ZSCAN5A: variants seen among roughly 807,000 people sequenced by gnomAD.
ZSCAN5A encodes zinc finger and SCAN domain containing 5A.
A neutral mutation model predicts 23.7 loss-of-function variants in ZSCAN5A; 12 were observed. The ratio of observed to expected loss-of-function variants is 0.51; its 90% confidence interval spans 0.32 to 0.82. The LOEUF (loss-of-function observed/expected upper bound fraction) is 0.82, where lower values mean the gene tolerates loss of function less well. ZSCAN5A is among the 40% of genes least tolerant of loss of function. The pLI, the probability that ZSCAN5A is intolerant of heterozygous loss-of-function variation, is 0.03. For missense variants in ZSCAN5A, 597 were observed against 617.9 expected (o/e 0.97, Z 0.36); for synonymous variants, 257 against 239.9 (o/e 1.07, Z -0.66).
intron 2 of ZSCAN5A, chr19:56,263,698 C>T (rs550312985): frequency 1.3e-5 from 2 of 152,104 alleles, no homozygotes; most frequent in African/African-American, 2.4e-5. Context: ...AGAAGGGAGG[C>T]GAGAGAGGAG....
intron 2 of ZSCAN5A, among the ~76,000 whole-genome samples, chr19:56,229,343 T>C (rs887209471): frequency 3.3e-5 from 5 of 152,014 alleles, no homozygotes; most frequent in Non-Finnish European, 1.5e-5. Context: ...GGAGTAGAAC[T>C]TTCCTGATGT....
intron 2 of ZSCAN5A, among the ~76,000 whole-genome samples, chr19:56,287,495 C>G (rs914020869): frequency 1.3e-5 from 2 of 152,194 alleles, no homozygotes; most frequent in African/African-American, 2.4e-5. Flanking sequence ...TCCCATCCCC[C>G]CAAGTCCACC....
At chr19:56,321,362 G>T in intron 2 of ZSCAN5A, 1 of 642,260 alleles carries the variant, frequency 1.6e-6, no homozygotes, top group East Asian at 2.8e-5. Flanking sequence ...ATCACAATGT[G>T]GACACCAGCA....
chr19:56,285,721 C>T (rs1349941093), intron 2 of ZSCAN5A, among the ~76,000 whole-genome samples: 5 of 152,102 alleles, frequency 3.3e-5, no homozygotes, highest in South Asian at 2.1e-4. Context: ...CCTCGTGATC[C>T]GCCCGCCTTG....
At chr19:56,355,030 G>A (rs1340104078) in intron 2 of ZSCAN5A, among the ~76,000 whole-genome samples, 1 of 152,190 alleles carries the variant, frequency 6.6e-6, no homozygotes, top group African/African-American at 2.4e-5. Context: ...CATCTTAGCT[G>A]TAAACCAGCA....
intron 2 of ZSCAN5A, among the ~76,000 whole-genome samples, chr19:56,249,288 G>A (rs2036177156): frequency 6.6e-6 from 1 of 152,126 alleles, no homozygotes; most frequent in Admixed American, 6.6e-5. Flanking sequence ...TTTTATTTTA[G>A]ACCAAGTCTC....
intron 2 of ZSCAN5A, among the ~76,000 whole-genome samples, chr19:56,305,439 C>T (rs570294178): frequency 7.2e-5 from 11 of 152,340 alleles, no homozygotes; most frequent in Non-Finnish European, 7.3e-5. Flanking sequence ...TGCTGGATAA[C>T]ACTCCACGGC....
intron 2 of ZSCAN5A, among the ~76,000 whole-genome samples, chr19:56,237,982 CACATACACACAT>C (rs2035085759): frequency 1.2e-5 from 1 of 84,174 alleles, no homozygotes; most frequent in Non-Finnish European, 2.5e-5. Flanking sequence ...CGGACACACA[CACATACACACAT>C]ACGCACACAT....
intron 2 of ZSCAN5A, among the ~76,000 whole-genome samples, chr19:56,240,262 AAAT>A (rs144080419): frequency 0.038 from 5,769 of 152,262 alleles, 343 homozygotes; most frequent in East Asian, 0.26. Context: ...GCAATATGAC[AAAT>A]AATTCAGTAG....
upstream of ZSCAN5A, chr19:56,319,726 G>A (rs138177389): frequency 3.0e-5 from 20 of 661,640 alleles, no homozygotes; most frequent in East Asian, 4.6e-4. Flanking sequence ...GCACAAACAA[G>A]ACCTGTTTAA....
chr19:56,277,658 G>A (rs1331738036), intron 2 of ZSCAN5A, among the ~76,000 whole-genome samples: 1 of 151,968 alleles, frequency 6.6e-6, no homozygotes. Context: ...CACTGAAATG[G>A]GTGAATTGCA....
intron 2 of ZSCAN5A, among the ~76,000 whole-genome samples, chr19:56,333,866 T>C (rs1287314977): frequency 1.3e-5 from 2 of 151,422 alleles, no homozygotes; most frequent in Non-Finnish European, 2.9e-5. Flanking sequence ...AATATATATA[T>C]ATATATAAGA....
intron 2 of ZSCAN5A, among the ~76,000 whole-genome samples, chr19:56,350,730 C>T (rs1328721755): frequency 1.3e-5 from 2 of 152,082 alleles, no homozygotes; most frequent in African/African-American, 4.8e-5. Flanking sequence ...TAACAGGGCC[C>T]CCCACTAACG....
chr19:56,221,695 C>A lies in ZSCAN5A; in HGVS notation c.1371G>T (p.Glu457Asp), dbSNP rs2033188632. ...KVFTYRGSLKEHQRIHSGEKP... is the reference protein window; with the variant it reads ...KVFTYRGSLKDHQRIHSGEKP... ...TCTCTCCGGAGTGGATGCGCTGGTGCTCCTTCAGGCTCCCCCTGTAGGTGA... is the reference window on the plus strand; with the variant it reads ...TCTCTCCGGAGTGGATGCGCTGGTGATCCTTCAGGCTCCCCCTGTAGGTGA... Residue 457 changes from glutamate to aspartate, a missense_variant, in exon 6 of 6, where the codon GAG becomes GAT. By Grantham distance (45) the Glu-to-Asp change is conservative. This residue lies in a region of ZSCAN5A where 87 missense variants were observed against 74.4 expected (regional missense o/e 1.17). Transcript: ENST00000683990. 1.2e-6 allele frequency: 2 copies of A among 1,614,092 alleles called. No homozygotes were observed. Among genetic ancestry groups the A allele is most frequent in the Non-Finnish European group, 1.7e-6 (2 of 1,180,048 alleles).
rs1287660582 is a variant in ZSCAN5A at position 56,224,961 on chromosome 19, G to A, written c.86C>T (p.Ser29Leu). 9 of 1,614,100 alleles carry A rather than the reference G, an allele frequency of 5.6e-6. No homozygotes were observed. In the Middle Eastern group the frequency reaches 6.6e-4, roughly 118 times the overall value. Residue 29 changes from serine to leucine, a missense_variant, in exon 3 of 6, where the codon TCA becomes TTA. Ser to Leu is a moderately radical substitution (Grantham distance 145). This residue lies in a region of ZSCAN5A where 72 missense variants were observed against 76.8 expected (regional missense o/e 0.94). Coordinates refer to ENST00000683990, the MANE Select transcript of ZSCAN5A (RefSeq NM_001322064.3). Reference sequence around the variant, plus strand: ...GTCGTGATTTCCAAGTTGAGTTTCTGAGGATGCCATAGACCGTGGCAGCTC... The same window carrying A: ...GTCGTGATTTCCAAGTTGAGTTTCTAAGGATGCCATAGACCGTGGCAGCTC... ...GLELPRSMAS[S>L]ETQLGNHDVD...
intron 2 of ZSCAN5A, among the ~76,000 whole-genome samples, chr19:56,329,229 A>C (rs1260486499): frequency 6.6e-6 from 1 of 151,658 alleles, no homozygotes; most frequent in Non-Finnish European, 1.5e-5. Context: ...TATGCCTGTA[A>C]ACACAGCTAC....
intron 2 of ZSCAN5A, among the ~76,000 whole-genome samples, chr19:56,229,183 T>C (rs146100369): frequency 2.1e-4 from 32 of 152,324 alleles, no homozygotes; most frequent in African/African-American, 7.7e-4. Flanking sequence ...ACTAATCCAT[T>C]CAAGTAGTGA....
rs141672739 is a variant in ZSCAN5A, at chr19:56,298,608, G to A, written c.-128+14675C>T. Reference sequence around the variant, plus strand: ...GCGGAAGCTGCAGTGAGCTGAGATCGTGCCACTGTACTCCAGACTGGCAAC... The same window carrying A: ...GCGGAAGCTGCAGTGAGCTGAGATCATGCCACTGTACTCCAGACTGGCAAC... On this transcript the variant is annotated intron_variant, in intron 2 of 5. Transcript: ENST00000683990. Among the ~76,000 whole-genome samples the A allele has an allele frequency of 2.6e-3, 394 of 151,000 alleles. 4 individuals carry two copies. The highest frequency in any genetic ancestry group is 9.1e-3 in the African/African-American group (375 of 41,004).
chr19:56,320,549 T>C (rs2041364497), intron 2 of ZSCAN5A: 2 of 464,028 alleles, frequency 4.3e-6, no homozygotes, highest in Admixed American at 6.4e-5. Context: ...GAGGCGGTGA[T>C]TGCAGTGAGC....
Sources: gnomAD v4.1 joint callset for allele counts (sites outside exome capture counted in the v4.1 genomes callset) on GRCh38, gnomAD v4.1.1 for gene constraint, gnomAD v4.1.1 regional missense constraint, MANE v1.5 for transcripts, NCBI Gene and HGNC (gene_info 2026-07-23, HGNC 2026-07-21) for gene names.